Variants in PLCD4 observed in about 807,000 individuals in gnomAD.
The protein encoded by PLCD4 is 1-phosphatidylinositol 4,5-bisphosphate phosphodiesterase delta-4.
Under a neutral mutation model 90.2 loss-of-function variants are expected in PLCD4, and 63 were observed. That is an observed-to-expected ratio of 0.70 (90% confidence interval 0.57 to 0.86). PLCD4 has a LOEUF of 0.86. Ranked by LOEUF, PLCD4 falls within the 40% of genes least tolerant of loss-of-function variation. The pLI is 0.00. For synonymous variants in PLCD4, 294 were observed against 356.5 expected (o/e 0.82, Z 1.97); for missense variants, 830 against 956.3 (o/e 0.87, Z 1.74).
At chr2:218,626,678 T>C (rs1696133698) in intron 6 of PLCD4, among the ~76,000 whole-genome samples, 1 of 152,156 alleles carries the variant, frequency 6.6e-6, no homozygotes, top group Non-Finnish European at 1.5e-5. Flanking sequence ...GAGGGAGCTA[T>C]GGAAGGACTA....
chr2:218,635,606 T>C (rs895189759), intron 13 of PLCD4, among the ~76,000 whole-genome samples, 190 bp from the exon 14 acceptor site: 1 of 152,212 alleles, frequency 6.6e-6, no homozygotes, highest in Admixed American at 6.5e-5. Flanking sequence ...GTGTTGGGAT[T>C]ACAGGTGTGA....
chr2:218,623,198 C>T (rs533160283), intron 6 of PLCD4, among the ~76,000 whole-genome samples: 1 of 152,194 alleles, frequency 6.6e-6, no homozygotes, highest in Admixed American at 6.5e-5. Flanking sequence ...TCGCTGGAAA[C>T]GGAAAACCCT....
rs758482025 is a variant in PLCD4, at chr2:218,618,731, G to A, written c.334G>A (p.Ala112Thr). 1 of 1,612,604 alleles carries A rather than the reference G, an allele frequency of 6.2e-7. No individual in the cohort carries two copies. The highest frequency in any genetic ancestry group is 8.5e-7 in the Non-Finnish European group (1 of 1,179,364). ...LDLMANSVEE[A>T]QIWMRGLQLL... The stretch of plus-strand genomic sequence containing the variant: ...CCTGATGGCCAACAGTGTTGAGGAG[G>A]CCCAGATATGGATGCGAGGGCTCCA... The change falls in exon 4 of 16, where the codon GCC (alanine) becomes ACC (threonine). Residue 112 changes from alanine to threonine, a missense_variant. Coordinates refer to ENST00000450993, the MANE Select transcript of PLCD4 (RefSeq NM_032726.4).
intron 3 of PLCD4, among the ~76,000 whole-genome samples, chr2:218,617,942 C>T (rs948011271): frequency 6.6e-5 from 10 of 152,094 alleles, no homozygotes; most frequent in African/African-American, 2.2e-4. Context: ...AGAAAATTAG[C>T]CGGGCATGGT....
Position 218,632,282 on chromosome 2 carries a change from G to A in PLCD4, c.1419G>A (p.Glu473=). ...TTGAGACTGAGCCTGAGCCCCAGGA[G>A]CAGAACCTTCAGAATAAGGACAAAA... is the stretch of plus-strand genomic sequence containing the variant. ...SQFETEPEPQ[E]QNLQNKDKKK... is the part of the protein sequence containing the mutation. Residue 473 remains glutamate, a synonymous_variant, in exon 10 of 16, where the codon GAG becomes GAA. Coordinates refer to ENST00000450993, the MANE Select transcript of PLCD4 (RefSeq NM_032726.4). 6 of 1,610,806 alleles carry A rather than the reference G, an allele frequency of 3.7e-6. No individual in the cohort carries two copies. Among genetic ancestry groups the A allele is most frequent in the South Asian group, 2.2e-5 (2 of 90,188 alleles).
chr2:218,632,436 A>G, intron 10 of PLCD4, 124 bp downstream of exon 10: 1 of 926,966 alleles, frequency 1.1e-6, no homozygotes, highest in Admixed American at 3.1e-5. Flanking sequence ...CCTCCCAATG[A>G]AGGAGATTTA....
Position 218,634,016 on chromosome 2 carries a change from AGAAGGGT to A in PLCD4, c.1607-84_1607-78del. 3 of 1,495,640 alleles carry A rather than the reference AGAAGGGT, an allele frequency of 2.0e-6. No homozygotes were observed. Among genetic ancestry groups the A allele is most frequent in the Non-Finnish European group, 2.7e-6 (3 of 1,107,176 alleles). The allele number at this position is 1,495,640 out of a possible 1,614,324, so 92.6% of individuals were successfully genotyped here. On this transcript the variant is annotated intron_variant, in intron 11 of 15. Coordinates refer to ENST00000450993, the MANE Select transcript of PLCD4 (RefSeq NM_032726.4). This position sits in a 1 kb window ranked among gnomAD's most constrained non-coding sequence, Gnocchi z 4.0. ...CTGGAGCCAGCTTCAGATGCTGGAG[AGAAGGGT>A]GAAGAGTAGGCATGGTCCTTGGGAC...
intron 6 of PLCD4, among the ~76,000 whole-genome samples, chr2:218,626,223 A>G (rs1696111105): frequency 6.6e-6 from 1 of 150,618 alleles, no homozygotes; most frequent in Non-Finnish European, 1.5e-5. Flanking sequence ...GTGCCACTGT[A>G]TCCAGCCTGG....
intron 1 of PLCD4, among the ~76,000 whole-genome samples, chr2:218,612,244 T>A (rs1462253246): frequency 6.6e-6 from 1 of 152,114 alleles, no homozygotes; most frequent in African/African-American, 2.4e-5. Context: ...TCACATAGCT[T>A]CTGTAAGCCT....
Position 218,637,097 on chromosome 2 carries a change from G to C in PLCD4, c.*520G>C. 1 of 360,004 alleles carries C rather than the reference G, an allele frequency of 2.8e-6. No homozygotes were observed. The highest frequency in any genetic ancestry group is 5.4e-6 in the Non-Finnish European group (1 of 183,808). 22.3% of individuals were successfully genotyped at this position (360,004 alleles called of 1,614,324 possible). A position where few individuals can be genotyped will look rare whatever the true frequency, so the allele number is the denominator to read the frequency against. The stretch of plus-strand genomic sequence containing the variant: ...CAGGACTGTACTACGACTCTTAAGA[G>C]AACACTGCACAGCACTCAAAGTCCC... On this transcript the variant is annotated 3_prime_UTR_variant, in exon 16 of 16. Transcript: ENST00000450993.
intron 10 of PLCD4, 72 bp downstream of exon 10, chr2:218,632,384 C>A: frequency 6.8e-7 from 1 of 1,464,706 alleles, no homozygotes. Flanking sequence ...TTCATGAAGA[C>A]TAGAGCCGTG....
At chr2:218,612,694 C>T (rs1450249469) in intron 1 of PLCD4, among the ~76,000 whole-genome samples, 2 of 152,154 alleles carry the variant, frequency 1.3e-5, no homozygotes, top group East Asian at 1.9e-4. Context: ...ATTGCTTGAA[C>T]CTTGGAGGCA....
chr2:218,636,787 A>G lies in PLCD4; in HGVS notation c.*210A>G. 1 of 633,762 alleles carries G rather than the reference A, an allele frequency of 1.6e-6. No homozygotes were observed. Among genetic ancestry groups the G allele is most frequent in the South Asian group, 1.6e-5 (1 of 61,210 alleles). 39.3% of individuals were successfully genotyped at this position (633,762 alleles called of 1,614,324 possible). A position where few individuals can be genotyped will look rare whatever the true frequency, so the allele number is the denominator to read the frequency against. ...TTTCTTCCCTTCCTTTGTTTTCATA[A>G]GCCTTTGGTATCTTTCCTGCCCTTT... On this transcript the variant is annotated 3_prime_UTR_variant, in exon 16 of 16. Transcript: ENST00000450993.
chr2:218,634,353 C>T lies in PLCD4; in HGVS notation c.1724-105C>T. 3 of 1,566,740 alleles carry T rather than the reference C, an allele frequency of 1.9e-6. No homozygotes were observed. The South Asian group carries it at 3.6e-5, about 19-fold the overall frequency. The stretch of plus-strand genomic sequence containing the variant: ...TGAGAAATGCTATCAGTGGATATTA[C>T]CAGCAGGTACCGTGCACCCAGTACC... On this transcript the variant is annotated intron_variant, in intron 12 of 15. Coordinates refer to ENST00000450993, the MANE Select transcript of PLCD4 (RefSeq NM_032726.4). This position sits in a 1 kb window ranked among gnomAD's most constrained non-coding sequence, Gnocchi z 4.0.
rs375920010 is a variant in PLCD4, at chr2:218,621,446, G to C, written c.411-24G>C. ...TGCACACACAAACAGATACATTAGT[G>C]CTTTTGCCTTGACTCATACCTGGAT... is the stretch of plus-strand genomic sequence containing the variant. On this transcript the variant is annotated intron_variant, in intron 4 of 15. Coordinates refer to ENST00000450993, the MANE Select transcript of PLCD4 (RefSeq NM_032726.4). 17 of 1,613,382 alleles carry C rather than the reference G, an allele frequency of 1.1e-5. No individual in the cohort carries two copies. The African/African-American group carries it at 2.1e-4, about 20-fold the overall frequency.
chr2:218,625,136 A>AT (rs1696059630), intron 6 of PLCD4, among the ~76,000 whole-genome samples: 1 of 148,438 alleles, frequency 6.7e-6, no homozygotes, highest in Non-Finnish European at 1.5e-5. Flanking sequence ...AAAAAAAGAA[A>AT]GAAAGAAAGA....
At position 218,632,447 on chromosome 2, in the gene PLCD4, A is replaced by AG. The variant is rs58990016; in HGVS notation, c.1449+136dup. ...CCTTCCTCCCAATGAAGGAGATTTA[A>AG]GACCGCATACATGGCATCAATATAT... On this transcript the variant is annotated intron_variant, in intron 10 of 15. Coordinates refer to ENST00000450993, the MANE Select transcript of PLCD4 (RefSeq NM_032726.4). The AG allele has an allele frequency of 5.9e-3, 5,013 of 847,210 alleles. 179 individuals carry two copies. In the African/African-American group the frequency reaches 0.077, roughly 13 times the overall value. 52.5% of individuals were successfully genotyped at this position (847,210 alleles called of 1,614,324 possible).
At chr2:218,626,996 G>A (rs1044777020) in intron 6 of PLCD4, among the ~76,000 whole-genome samples, 1 of 152,124 alleles carries the variant, frequency 6.6e-6, no homozygotes, top group African/African-American at 2.4e-5. Context: ...GCTCACGCCT[G>A]TAATCCCTGC....
intron 10 of PLCD4, among the ~76,000 whole-genome samples, chr2:218,632,695 T>C (rs1191185307): frequency 1.3e-5 from 2 of 152,114 alleles, no homozygotes; most frequent in Admixed American, 1.3e-4. Flanking sequence ...TGAGCGGGTG[T>C]GTGTTTGTAT....
Sources: gnomAD v4.1 joint callset for allele counts (sites outside exome capture counted in the v4.1 genomes callset) on GRCh38, gnomAD v4.1.1 for gene constraint, Gnocchi (gnomAD v3.1) non-coding constraint, MANE v1.5 for transcripts, NCBI Gene and HGNC (gene_info 2026-07-23, HGNC 2026-07-21) for gene names.